LDAH: variants seen among roughly 807,000 people sequenced by gnomAD.
The protein encoded by LDAH is lipid droplet-associated hydrolase.
In LDAH, 26 loss-of-function variants were observed where a neutral mutation model predicts 29.6. The ratio of observed to expected loss-of-function variants is 0.88; its 90% CI spans 0.64 to 1.22. LDAH has a LOEUF of 1.22. LDAH is among the 50% of genes most tolerant of loss of function. The pLI is 0.00. For missense variants in LDAH, 344 were observed against 387.3 expected (o/e 0.89, Z 0.94); for synonymous variants, 117 against 133.0 (o/e 0.88, Z 0.83).
intron 4 of LDAH, among the ~76,000 whole-genome samples, chr2:20,753,385 C>T (rs923197786): frequency 9.9e-5 from 15 of 152,074 alleles, no homozygotes; most frequent in African/African-American, 2.7e-4. Flanking sequence ...CAAATACAGG[C>T]GACTGGAATA....
At chr2:20,772,873 G>A (rs1669527681) in intron 4 of LDAH, among the ~76,000 whole-genome samples, 1 of 152,190 alleles carries the variant, frequency 6.6e-6, no homozygotes, top group South Asian at 2.1e-4. Context: ...GAGTGAGCCT[G>A]GATGCAGATC....
intron 4 of LDAH, among the ~76,000 whole-genome samples, chr2:20,748,782 G>T (rs1667760314): frequency 6.6e-6 from 1 of 152,122 alleles, no homozygotes; most frequent in Admixed American, 6.5e-5. Context: ...GCAATAACAG[G>T]CCTTTCTCAT....
At chr2:20,796,144 T>C (rs1321602715) in intron 2 of LDAH, among the ~76,000 whole-genome samples, 3 of 152,188 alleles carry the variant, frequency 2.0e-5, no homozygotes, top group Non-Finnish European at 4.4e-5. Context: ...CTTCACTGAA[T>C]ACTCCCTTTA....
intron 1 of LDAH, among the ~76,000 whole-genome samples, chr2:20,809,235 CA>C (rs56974629): frequency 2.0e-3 from 268 of 133,602 alleles, no homozygotes; most frequent in Non-Finnish European, 1.8e-3. Context: ...ACTAGAAATA[CA>C]AAAAAAAAAA....
At chr2:20,689,105 T>A (rs1662809351) in intron 6 of LDAH, among the ~76,000 whole-genome samples, 2 of 152,112 alleles carry the variant, frequency 1.3e-5, no homozygotes, top group Admixed American at 1.3e-4. Flanking sequence ...TTTCTGTTCC[T>A]GTGTCAGTTT....
intron 2 of LDAH, among the ~76,000 whole-genome samples, chr2:20,798,298 G>A (rs1558489110): frequency 6.6e-6 from 1 of 152,154 alleles, no homozygotes; most frequent in Non-Finnish European, 1.5e-5. Flanking sequence ...AAGTCCCCAG[G>A]ATGGCAACTG....
intron 6 of LDAH, among the ~76,000 whole-genome samples, chr2:20,701,286 G>C (rs1284207740): frequency 2.0e-5 from 3 of 152,104 alleles, no homozygotes; most frequent in East Asian, 3.8e-4. Flanking sequence ...AGTTTTCTCA[G>C]TAGAAGGCCT....
intron 3 of LDAH, among the ~76,000 whole-genome samples, chr2:20,776,702 C>T (rs1572607406): frequency 6.6e-6 from 1 of 152,110 alleles, no homozygotes. Flanking sequence ...CCTTTTTATG[C>T]ATGAAATATT....
At chr2:20,822,171 C>G (rs990487788) in intron 1 of LDAH, among the ~76,000 whole-genome samples, 3 of 150,442 alleles carry the variant, frequency 2.0e-5, no homozygotes, top group African/African-American at 7.4e-5. Flanking sequence ...GTCGCCCAGG[C>G]TAGAGTGCAG....
intron 5 of LDAH, among the ~76,000 whole-genome samples, chr2:20,719,768 C>T (rs1665511973): frequency 6.6e-6 from 1 of 151,936 alleles, no homozygotes; most frequent in Non-Finnish European, 1.5e-5. Flanking sequence ...GAAAAGATCA[C>T]CATGATCATG....
chr2:20,703,121 C>T (rs767528943), intron 5 of LDAH, among the ~76,000 whole-genome samples: 1 of 152,358 alleles, frequency 6.6e-6, no homozygotes, highest in East Asian at 1.9e-4. Flanking sequence ...CCACCGCACC[C>T]AGCTCCCAGA....
Position 20,684,862 on chromosome 2 carries a change from T to C in LDAH, c.*2041A>G. 2 of 1,545,350 alleles carry C rather than the reference T, an allele frequency of 1.3e-6. No individual in the cohort carries two copies. The highest frequency in any genetic ancestry group is 2.7e-5 in the African/African-American group (2 of 72,912). On this transcript the variant is annotated 3_prime_UTR_variant, in exon 7 of 7. Coordinates refer to ENST00000237822, the MANE Select transcript of LDAH (RefSeq NM_021925.4). ...ATGGATTTCTTCCACTGTTTGTCCA[T>C]TTTAGTCTAATCCCTAATGAAACAG...
At chr2:20,711,102 C>T (rs749195916) in intron 5 of LDAH, among the ~76,000 whole-genome samples, 1 of 151,970 alleles carries the variant, frequency 6.6e-6, no homozygotes, top group African/African-American at 2.4e-5. Flanking sequence ...CTGAGAGTGG[C>T]CTTTAAAGAG....
At chr2:20,793,896 G>T (rs1239362628) in intron 2 of LDAH, among the ~76,000 whole-genome samples, 1 of 152,084 alleles carries the variant, frequency 6.6e-6, no homozygotes, top group East Asian at 1.9e-4. Flanking sequence ...AGAAAATCCA[G>T]GCCCACACAG....
chr2:20,701,463 C>T, intron 6 of LDAH, 107 bp downstream of exon 6: 1 of 893,928 alleles, frequency 1.1e-6, no homozygotes, highest in Non-Finnish European at 1.8e-6. Flanking sequence ...CTATGTCATT[C>T]TACCAACCCT....
intron 2 of LDAH, among the ~76,000 whole-genome samples, chr2:20,798,340 C>A (rs1019074795): frequency 6.6e-6 from 1 of 152,106 alleles, no homozygotes; most frequent in Non-Finnish European, 1.5e-5. Flanking sequence ...TGAGTCCAGA[C>A]TGGAGCCAAA....
At chr2:20,688,152 C>T (rs1285757436) in intron 6 of LDAH, among the ~76,000 whole-genome samples, 1 of 151,998 alleles carries the variant, frequency 6.6e-6, no homozygotes, top group African/African-American at 2.4e-5. Context: ...AGAAGGGGAC[C>T]CCATGTATAC....
At chr2:20,709,776 C>T (rs1156807367) in intron 5 of LDAH, among the ~76,000 whole-genome samples, 2 of 151,984 alleles carry the variant, frequency 1.3e-5, no homozygotes, top group Non-Finnish European at 2.9e-5. Context: ...AATGGAAAGA[C>T]AAAACATGGT....
chr2:20,711,430 C>T (rs892754961), intron 5 of LDAH, among the ~76,000 whole-genome samples: 73 of 151,398 alleles, frequency 4.8e-4, no homozygotes, highest in African/African-American at 1.5e-3. Flanking sequence ...CCAAGATGGC[C>T]GAATAGGAAC....
Sources: gnomAD v4.1 joint callset for allele counts (sites outside exome capture counted in the v4.1 genomes callset) on GRCh38, gnomAD v4.1.1 for gene constraint, MANE v1.5 for transcripts, NCBI Gene and HGNC (gene_info 2026-07-23, HGNC 2026-07-21) for gene names.